Variants in MYT1L observed in about 807,000 individuals in gnomAD.
The protein encoded by MYT1L is myelin transcription factor 1 like.
In MYT1L, 12 loss-of-function variants were observed where a neutral mutation model predicts 126.7. That is an observed-to-expected ratio of 0.09 (90% CI 0.06 to 0.15). MYT1L has a LOEUF of 0.15. MYT1L is among the 10% of genes least tolerant of loss of function. The pLI, the probability that MYT1L is intolerant of heterozygous loss-of-function variation, is 1.00. For synonymous variants in MYT1L, 541 were observed against 604.2 expected (o/e 0.90, Z 1.53); for missense variants, 979 against 1,585.2 (o/e 0.62, Z 6.49).
chr2:1,917,302 T>C lies in MYT1L; in HGVS notation c.1521A>G (p.Pro507=). The part of the protein sequence containing the change: ...SRTEKKESKC[P]TPGCDGTGHV... ...GGCCGGTTCCATCACACCCGGGGGT[T>C]GGACACTTGCTCTCTTTCTTTTCTG... The change falls in exon 11 of 25, where the codon CCA becomes CCG. Residue 507 remains proline (P), a synonymous_variant. Coordinates refer to ENST00000647738, the MANE Select transcript of MYT1L (RefSeq NM_001303052.2). The surrounding 1 kb of genome is among the most constrained non-coding windows in gnomAD (Gnocchi z 5.9). 1.2e-6 allele frequency: 2 copies of C among 1,612,994 alleles called. No homozygotes were observed. The highest frequency in any genetic ancestry group is 1.7e-6 in the Non-Finnish European group (2 of 1,179,092).
chr2:1,798,004 C>T (rs1243206865), intron 23 of MYT1L, among the ~76,000 whole-genome samples: 2 of 59,508 alleles, frequency 3.4e-5, no homozygotes, highest in Non-Finnish European at 3.2e-5. Flanking sequence ...CCGGCACAGG[C>T]GCGGCGGTCT....
At chr2:2,038,990 C>T (rs1365736286) in intron 4 of MYT1L, among the ~76,000 whole-genome samples, 3 of 152,180 alleles carry the variant, frequency 2.0e-5, no homozygotes, top group African/African-American at 7.2e-5. Context: ...TGTTTAGCCA[C>T]TGACCACCCT....
At chr2:2,094,673 C>CA (rs2077245770) in intron 3 of MYT1L, among the ~76,000 whole-genome samples, 1 of 145,374 alleles carries the variant, frequency 6.9e-6, no homozygotes, top group African/African-American at 2.5e-5. Context: ...ATCACAAGGA[C>CA]AAAAAATCAA....
intron 3 of MYT1L, among the ~76,000 whole-genome samples, chr2:2,100,250 C>T (rs1288316805): frequency 6.6e-6 from 1 of 152,108 alleles, no homozygotes; most frequent in Non-Finnish European, 1.5e-5. Context: ...ACTTCAAGGA[C>T]AGAAGCGGGC....
intron 3 of MYT1L, among the ~76,000 whole-genome samples, chr2:2,055,521 AT>A (rs1486188906): frequency 6.6e-6 from 1 of 152,244 alleles, no homozygotes; most frequent in Non-Finnish European, 1.5e-5. Context: ...TTTCCAACAC[AT>A]TCTGAGCTAT....
At chr2:1,931,324 C>T (rs767508813) in intron 9 of MYT1L, among the ~76,000 whole-genome samples, 3 of 151,814 alleles carry the variant, frequency 2.0e-5, no homozygotes, top group Admixed American at 6.6e-5. Flanking sequence ...ACACTTCCTC[C>T]ACCCTCAGCG....
intron 1 of MYT1L, among the ~76,000 whole-genome samples, chr2:2,293,180 C>G (rs1012531979): frequency 1.3e-5 from 2 of 152,156 alleles, no homozygotes; most frequent in Non-Finnish European, 2.9e-5. Context: ...CCACTGGCCT[C>G]ATGGGGCCTT....
chr2:2,275,775 G>A (rs2095348094), intron 2 of MYT1L, among the ~76,000 whole-genome samples: 1 of 152,150 alleles, frequency 6.6e-6, no homozygotes. Flanking sequence ...ATGGGTTGAT[G>A]TCTTCCCAGC....
chr2:2,040,453 G>C (rs1424630588), intron 4 of MYT1L, among the ~76,000 whole-genome samples: 2 of 152,176 alleles, frequency 1.3e-5, no homozygotes, highest in African/African-American at 4.8e-5. Context: ...GTGAGGCTCT[G>C]GTGCAGGCGA....
chr2:2,185,708 C>T (rs1180413904), intron 2 of MYT1L, among the ~76,000 whole-genome samples: 1 of 133,992 alleles, frequency 7.5e-6, no homozygotes, highest in Non-Finnish European at 1.6e-5. Flanking sequence ...CGGGCCTTCC[C>T]GAGTCCCGCG....
chr2:2,128,625 C>T (rs1277825342), intron 3 of MYT1L, among the ~76,000 whole-genome samples: 10 of 152,152 alleles, frequency 6.6e-5, no homozygotes, highest in Admixed American at 6.5e-4. Flanking sequence ...TACATAAATA[C>T]ACATTTGTAT....
intron 2 of MYT1L, among the ~76,000 whole-genome samples, chr2:2,259,663 G>A (rs888581526): frequency 2.0e-5 from 3 of 152,042 alleles, no homozygotes; most frequent in African/African-American, 4.8e-5. Context: ...ACTGACCCTC[G>A]TCTTATAGAA....
chr2:1,896,145 C>G (rs550966923), intron 14 of MYT1L, among the ~76,000 whole-genome samples: 100 of 152,296 alleles, frequency 6.6e-4, no homozygotes, highest in African/African-American at 2.3e-3. Flanking sequence ...GAGACAGCAT[C>G]TCATACCAGT....
intron 11 of MYT1L, among the ~76,000 whole-genome samples, chr2:1,916,055 CTCTGA>C (rs988368591): frequency 6.6e-6 from 1 of 152,138 alleles, no homozygotes; most frequent in Non-Finnish European, 1.5e-5. Flanking sequence ...GAGCCACTCG[CTCTGA>C]TTTGTTTATT....
chr2:2,301,572 G>A (rs1301586696), intron 1 of MYT1L, among the ~76,000 whole-genome samples: 3 of 152,112 alleles, frequency 2.0e-5, no homozygotes, highest in Non-Finnish European at 4.4e-5. Flanking sequence ...GCTCATGCTT[G>A]TAGTCTTAGC....
chr2:2,013,307 G>A (rs934479789), intron 4 of MYT1L, among the ~76,000 whole-genome samples: 4 of 152,064 alleles, frequency 2.6e-5, no homozygotes, highest in African/African-American at 4.8e-5. Context: ...CTCGAATGAC[G>A]CATGGGAACC....
At chr2:1,794,915 A>G (rs1198376544) in intron 23 of MYT1L, among the ~76,000 whole-genome samples, 1 of 152,260 alleles carries the variant, frequency 6.6e-6, no homozygotes, top group Admixed American at 6.5e-5. Flanking sequence ...CTCCTGAACC[A>G]GGCTGCTTGG....
chr2:1,955,221 A>T (rs2058241865), intron 8 of MYT1L, among the ~76,000 whole-genome samples: 2 of 151,822 alleles, frequency 1.3e-5, no homozygotes, highest in Admixed American at 6.6e-5. Context: ...AAAAAAAAAA[A>T]TGGCTAAAGA....
At chr2:2,052,991 C>A (rs1013784637) in intron 4 of MYT1L, among the ~76,000 whole-genome samples, 5 of 152,182 alleles carry the variant, frequency 3.3e-5, no homozygotes, top group Non-Finnish European at 7.3e-5. Flanking sequence ...TACACTCAAG[C>A]TAATAGGAGC....
Sources: allele counts gnomAD v4.1 joint callset (sites outside exome capture counted in the v4.1 genomes callset), GRCh38; gene constraint gnomAD v4.1.1; non-coding constraint Gnocchi (gnomAD v3.1); transcripts MANE v1.5; gene names NCBI Gene and HGNC (gene_info 2026-07-23, HGNC 2026-07-21).